The following RPTOR variants were observed in gnomAD, a reference collection of about 807,000 sequenced individuals.
RPTOR encodes regulatory associated protein of MTOR complex 1.
A neutral mutation model predicts 169.9 loss-of-function variants in RPTOR; 21 were observed. The ratio of observed to expected loss-of-function variants is 0.12; its 90% confidence interval spans 0.09 to 0.18. The LOEUF is 0.18. RPTOR is among the 10% of genes least tolerant of loss of function. The pLI, the probability that RPTOR is intolerant of heterozygous loss-of-function variation, is 1.00. For synonymous variants in RPTOR, 732 were observed against 753.2 expected (o/e 0.97, Z 0.46); for missense variants, 1,133 against 1,855.9 (o/e 0.61, Z 7.16).
In RPTOR at chr17:80,562,666, C is replaced by A. The variant is rs1374058750; in HGVS notation, c.162+16875C>A. ...GGGTGTGGTGACGCACACCTGTAAT[C>A]CCAGCTACTAAGGAGGCTGAGGCAG... On this transcript the variant is annotated intron_variant, in intron 1 of 33. Transcript: ENST00000306801. The surrounding 1 kb of genome is among the most constrained non-coding windows in gnomAD (Gnocchi z 4.4). Among the ~76,000 whole-genome samples, 1 of 152,132 alleles carries A rather than the reference C, an allele frequency of 6.6e-6. No individual in the cohort carries two copies. Among genetic ancestry groups the A allele is most frequent in the Non-Finnish European group, 1.5e-5 (1 of 68,024 alleles).
chr17:80,797,475 A>G (rs905702543), intron 7 of RPTOR, among the ~76,000 whole-genome samples: 2 of 152,242 alleles, frequency 1.3e-5, no homozygotes, highest in African/African-American at 4.8e-5. Context: ...TATTATCTAC[A>G]AAGGACATGA....
chr17:80,579,411 C>T (rs2064995293), intron 1 of RPTOR, among the ~76,000 whole-genome samples: 3 of 152,184 alleles, frequency 2.0e-5, no homozygotes, highest in Admixed American at 1.3e-4. Context: ...AGGCTGGTTT[C>T]GAACTCCCGA....
At chr17:80,925,543 T>C in intron 24 of RPTOR, 63 bp downstream of exon 24, 1 of 1,338,454 alleles carries the variant, frequency 7.5e-7, no homozygotes, top group Non-Finnish European at 1.1e-6. Context: ...CCCACTTCTT[T>C]GAGCATAAAC....
chr17:80,591,048 A>C (rs1599582416), intron 1 of RPTOR, among the ~76,000 whole-genome samples: 1 of 151,254 alleles, frequency 6.6e-6, no homozygotes, highest in African/African-American at 2.5e-5. Context: ...TTACTTAAAA[A>C]GTTTAGTGGC....
chr17:80,673,763 G>A (rs1490505503), intron 3 of RPTOR, among the ~76,000 whole-genome samples: 1 of 152,202 alleles, frequency 6.6e-6, no homozygotes, highest in Non-Finnish European at 1.5e-5. Flanking sequence ...CTAAAGCTCT[G>A]CTCTGGTCTG....
intron 13 of RPTOR, 70 bp downstream of exon 13, chr17:80,857,970 C>G (rs1408684566): frequency 3.4e-6 from 4 of 1,176,836 alleles, no homozygotes; most frequent in Non-Finnish European, 5.0e-6. Context: ...CCGAGCCCTG[C>G]GTTTCCAGCC....
At chr17:80,838,330 C>T (rs1178600438) in intron 10 of RPTOR, among the ~76,000 whole-genome samples, 1 of 152,162 alleles carries the variant, frequency 6.6e-6, no homozygotes, top group African/African-American at 2.4e-5. Context: ...TGGATCTCCC[C>T]CAGGCCTCTG....
chr17:80,579,048 A>G (rs527473678), intron 1 of RPTOR, among the ~76,000 whole-genome samples: 1 of 152,150 alleles, frequency 6.6e-6, no homozygotes, highest in African/African-American at 2.4e-5. Context: ...ACTACCTTAC[A>G]CAGGTACTCT....
intron 25 of RPTOR, among the ~76,000 whole-genome samples, chr17:80,945,008 AG>A (rs1474157705): frequency 3.0e-4 from 44 of 146,970 alleles, no homozygotes; most frequent in African/African-American, 1.1e-3. Flanking sequence ...AAAAAAAAAA[AG>A]ACTGGCTACT....
intron 1 of RPTOR, among the ~76,000 whole-genome samples, chr17:80,576,081 A>T (rs1369653315): frequency 6.6e-6 from 1 of 152,126 alleles, no homozygotes. Flanking sequence ...ATATAAGTCA[A>T]CACTTCTGTA....
chr17:80,833,471 C>G (rs1022511428), intron 9 of RPTOR, among the ~76,000 whole-genome samples: 5 of 152,234 alleles, frequency 3.3e-5, no homozygotes, highest in African/African-American at 1.2e-4. Context: ...CCCCTCCCAC[C>G]TTCTGCTGTC....
intron 7 of RPTOR, among the ~76,000 whole-genome samples, chr17:80,792,702 T>TA (rs2067061196): frequency 6.6e-6 from 1 of 152,108 alleles, no homozygotes; most frequent in Non-Finnish European, 1.5e-5. Flanking sequence ...AAAATGGGAC[T>TA]AGATGATCTG....
intron 4 of RPTOR, among the ~76,000 whole-genome samples, chr17:80,728,108 C>T (rs913420397): frequency 8.5e-5 from 13 of 152,192 alleles, no homozygotes; most frequent in African/African-American, 3.1e-4. Flanking sequence ...TAATAAAGAG[C>T]ATGAAACTTA....
chr17:80,875,917 G>A (rs1159856970), intron 13 of RPTOR, among the ~76,000 whole-genome samples: 6 of 101,978 alleles, frequency 5.9e-5, no homozygotes, highest in Admixed American at 4.0e-4. Flanking sequence ...GTCTTCCACC[G>A]AGCCCGTGCC....
At chr17:80,627,654 A>G (rs1203843511) in intron 2 of RPTOR, among the ~76,000 whole-genome samples, 2 of 151,700 alleles carry the variant, frequency 1.3e-5, no homozygotes, top group Non-Finnish European at 1.5e-5. Context: ...CCTTTATTCC[A>G]TTTTTATGGC....
chr17:80,816,165 A>G lies in RPTOR; in HGVS notation c.891-6036A>G, dbSNP rs148026612. ...CACAATGATCAGTGGAGAACCTTGT[A>G]TGTTTGGGGGCCCAGCTGTGTGTTA... On this transcript the variant is annotated intron_variant, in intron 7 of 33. Coordinates refer to ENST00000306801, the MANE Select transcript of RPTOR (RefSeq NM_020761.3). Among the ~76,000 whole-genome samples the G allele has an allele frequency of 2.1e-3, 320 of 152,314 alleles. 4 individuals are homozygous for G. Among genetic ancestry groups the G allele is most frequent in the African/African-American group, 7.2e-3 (301 of 41,580 alleles).
intron 28 of RPTOR, among the ~76,000 whole-genome samples, chr17:80,952,702 CCT>C (rs1568007813): frequency 6.6e-6 from 1 of 152,142 alleles, no homozygotes; most frequent in African/African-American, 2.4e-5. Context: ...TCCCAGGGCA[CCT>C]CTCTGTTCTT....
At chr17:80,880,336 T>TC in intron 13 of RPTOR, 79 bp from the exon 14 acceptor site, 1 of 1,191,464 alleles carries the variant, frequency 8.4e-7, no homozygotes, top group Non-Finnish European at 1.3e-6. Context: ...CTGCCCTTAT[T>TC]CGTTCACGCA....
At chr17:80,612,228 C>T (rs373738271) in intron 1 of RPTOR, among the ~76,000 whole-genome samples, 24 of 152,250 alleles carry the variant, frequency 1.6e-4, no homozygotes, top group African/African-American at 4.8e-4. Flanking sequence ...CTCTTGGGCT[C>T]GAGTGATCTT....
Sources: allele counts gnomAD v4.1 joint callset (sites outside exome capture counted in the v4.1 genomes callset), GRCh38; gene constraint gnomAD v4.1.1; non-coding constraint Gnocchi (gnomAD v3.1); transcripts MANE v1.5; gene names NCBI Gene and HGNC (gene_info 2026-07-23, HGNC 2026-07-21).